The following PCNX2 variants were observed in gnomAD, a reference collection of about 807,000 sequenced individuals.
The protein encoded by PCNX2 is pecanex-like protein 2.
Under a neutral mutation model 223.8 loss-of-function variants are expected in PCNX2, and 168 were observed. The ratio of observed to expected loss-of-function variants is 0.75; its 90% CI spans 0.66 to 0.85. The LOEUF is 0.85. PCNX2 is among the 40% of genes least tolerant of loss of function. The probability of loss-of-function intolerance (pLI) is 0.00; values close to 1 mark genes in which losing one functional copy is unlikely to be tolerated. For synonymous variants in PCNX2, 1,006 were observed against 1,052.6 expected (o/e 0.96, Z 0.86); for missense variants, 2,507 against 2,675.5 (o/e 0.94, Z 1.39).
At chr1:233,149,893 T>TATAC (rs1677694017) in intron 19 of PCNX2, among the ~76,000 whole-genome samples, 2 of 150,640 alleles carry the variant, frequency 1.3e-5, no homozygotes, top group South Asian at 4.2e-4. Flanking sequence ...TCAATTTATA[T>TATAC]ATATATAAAT....
At chr1:233,282,865 A>G (rs1394642474) in intron 1 of PCNX2, among the ~76,000 whole-genome samples, 1 of 152,212 alleles carries the variant, frequency 6.6e-6, no homozygotes, top group Admixed American at 6.5e-5. Context: ...GCAAGGACGG[A>G]GGAAAAGCTA....
At position 232,998,284 on chromosome 1, in the gene PCNX2, C is replaced by G. The variant is rs372629025; in HGVS notation, c.5758G>C (p.Gly1920Arg). 1 of 1,601,160 alleles carries G rather than the reference C, an allele frequency of 6.2e-7. No individual in the cohort carries two copies. Among genetic ancestry groups the G allele is most frequent in the Non-Finnish European group, 8.5e-7 (1 of 1,173,666 alleles). ...TGTGTCCCTTCACAGGATGACACCC[C>G]GTGCTGAGCACCGCCTTTTCTGGGC... ...EQPRKGGAQH[G>R]VSSCEGTQRT... is the part of the protein sequence containing the mutation. The change falls in exon 32 of 34, where the codon GGG (glycine) becomes CGG (arginine). Residue 1920 changes from glycine to arginine, a missense_variant. Physicochemically the swap from Gly to Arg is moderately radical, Grantham distance 125 (BLOSUM62 -2). Transcript: ENST00000258229.
intron 28 of PCNX2, among the ~76,000 whole-genome samples, chr1:233,005,715 CG>C (rs892101376): frequency 2.6e-5 from 4 of 152,128 alleles, no homozygotes; most frequent in African/African-American, 9.7e-5. Context: ...ACAAGCCAAG[CG>C]GGGGTGGCGG....
At chr1:232,997,773 C>A (rs1477954424) in intron 32 of PCNX2, among the ~76,000 whole-genome samples, 2 of 152,170 alleles carry the variant, frequency 1.3e-5, no homozygotes, top group Non-Finnish European at 2.9e-5. Flanking sequence ...ACCCTTTCTG[C>A]CCTCTTTTCT....
At chr1:233,032,856 A>G (rs1671318079) in intron 25 of PCNX2, 2 of 461,448 alleles carry the variant, frequency 4.3e-6, no homozygotes, top group South Asian at 1.8e-4. Flanking sequence ...TGAAAAGCTT[A>G]GTTCAGGTGA....
chr1:233,034,123 A>G (rs1466137723), intron 25 of PCNX2, among the ~76,000 whole-genome samples: 1 of 152,066 alleles, frequency 6.6e-6, no homozygotes, highest in Non-Finnish European at 1.5e-5. Flanking sequence ...GAGGCAGGAG[A>G]ATTGCTTGAA....
intron 22 of PCNX2, among the ~76,000 whole-genome samples, chr1:233,091,086 A>C (rs754787031): frequency 1.3e-5 from 2 of 152,136 alleles, no homozygotes; most frequent in Non-Finnish European, 2.9e-5. Context: ...TGGAAGCACA[A>C]GAGAGAACTG....
chr1:233,234,654 T>C (rs559071519), intron 9 of PCNX2, among the ~76,000 whole-genome samples: 3 of 152,346 alleles, frequency 2.0e-5, no homozygotes, highest in Admixed American at 2.0e-4. Context: ...CATTTGATAA[T>C]CTAAAGTTTC....
intron 25 of PCNX2, among the ~76,000 whole-genome samples, chr1:233,045,584 C>T (rs1671796934): frequency 6.6e-6 from 1 of 152,166 alleles, no homozygotes; most frequent in South Asian, 2.1e-4. Context: ...GTCACCACCT[C>T]CCATTATAGA....
At chr1:233,286,890 C>T (rs1000072231) in intron 1 of PCNX2, among the ~76,000 whole-genome samples, 1 of 152,180 alleles carries the variant, frequency 6.6e-6, no homozygotes, top group South Asian at 2.1e-4. Context: ...CCTCATGTCC[C>T]TTCCTACCTG....
At chr1:233,010,656 G>A (rs1429741312) in intron 28 of PCNX2, among the ~76,000 whole-genome samples, 1 of 152,152 alleles carries the variant, frequency 6.6e-6, no homozygotes, top group Non-Finnish European at 1.5e-5. Context: ...GGGAGACACA[G>A]TTTTCCAAGA....
rs753425784 is a variant in PCNX2, at chr1:233,258,414, C to T, written c.1448G>A (p.Ser483Asn). 6.2e-7 allele frequency: 1 copy of T among 1,613,988 alleles called. No homozygotes were observed. Among genetic ancestry groups the T allele is most frequent in the Admixed American group, 1.7e-5 (1 of 60,028 alleles). ...TTCCCAGGGTTCCCGTGATGAAGAA[C>T]TGTGATCCTTGATGGCATTTCCCCC... is the stretch of plus-strand genomic sequence containing the variant. ...GEGGNAIKDH[S>N]SSSREPWESV... The change falls in exon 5 of 34, where the codon AGT becomes AAT. Residue 483 changes from serine to asparagine, a missense_variant. Transcript: ENST00000258229.
In PCNX2 at chr1:233,090,093, G is replaced by A; in HGVS notation, c.4044C>T (p.Val1348=). ...TTTTCTCCCAGAATTTCACTGGCCT[G>A]ACATATGATGTGATGAAAATGACAC... ...LGSVIFITSY[V]RPVKFWEKNY... Residue 1348 remains valine (V), a synonymous_variant, in exon 23 of 34, where the codon GTC becomes GTT. Transcript: ENST00000258229. 1 of 1,613,880 alleles carries A rather than the reference G, an allele frequency of 6.2e-7. No individual in the cohort carries two copies. The highest frequency in any genetic ancestry group is 8.5e-7 in the Non-Finnish European group (1 of 1,179,850).
At chr1:233,213,391 A>G (rs1328593266) in intron 12 of PCNX2, among the ~76,000 whole-genome samples, 1 of 152,218 alleles carries the variant, frequency 6.6e-6, no homozygotes, top group Non-Finnish European at 1.5e-5. Context: ...GGAAATCTGA[A>G]TAAAATGTGG....
chr1:233,054,475 C>T lies in PCNX2; in HGVS notation c.4144G>A (p.Asp1382Asn), dbSNP rs1672117023. 1.9e-6 allele frequency: 3 copies of T among 1,611,862 alleles called. No individual in the cohort carries two copies. The African/African-American group carries it at 4.0e-5, about 22-fold the overall frequency. ...VQIERDPGNDDNNLNSIFYEH... is the reference protein window; with the variant it reads ...VQIERDPGNDNNNLNSIFYEH... ...TAAAAAATGGAATTGAGATTGTTGT[C>T]ATCATTCCCTAAAGGCAGACAAGAA... The change falls in exon 25 of 34, where the codon GAC becomes AAC. Residue 1382 changes from aspartate (D) to asparagine (N), a missense_variant. Physicochemically the swap from Asp to Asn is conservative, Grantham distance 23 (BLOSUM62 1). Coordinates refer to ENST00000258229, the MANE Select transcript of PCNX2 (RefSeq NM_014801.4).
intron 8 of PCNX2, among the ~76,000 whole-genome samples, chr1:233,246,780 C>G (rs144040045): frequency 2.1e-3 from 323 of 152,274 alleles, no homozygotes; most frequent in African/African-American, 7.5e-3. Context: ...ATTAGAGATA[C>G]AGCGATGACA....
intron 15 of PCNX2, 150 bp downstream of exon 15, chr1:233,198,789 C>G: frequency 1.3e-6 from 1 of 786,850 alleles, no homozygotes; most frequent in Non-Finnish European, 2.1e-6. Context: ...TCTTCTAACA[C>G]TACTGAGGCC....
intron 20 of PCNX2, among the ~76,000 whole-genome samples, chr1:233,138,248 A>T (rs764321925): frequency 1.3e-4 from 20 of 152,168 alleles, no homozygotes; most frequent in Non-Finnish European, 2.6e-4. Flanking sequence ...AAAAAATTAC[A>T]GGGGATGGAG....
At chr1:233,140,476 A>C (rs1254278197) in intron 19 of PCNX2, among the ~76,000 whole-genome samples, 1 of 152,242 alleles carries the variant, frequency 6.6e-6, no homozygotes, top group Non-Finnish European at 1.5e-5. Context: ...GTTTGCATTC[A>C]GTCTCTACCA....
Sources: gnomAD v4.1 joint callset for allele counts (sites outside exome capture counted in the v4.1 genomes callset) on GRCh38, gnomAD v4.1.1 for gene constraint, MANE v1.5 for transcripts, NCBI Gene and HGNC (gene_info 2026-07-23, HGNC 2026-07-21) for gene names.